SEC16A: variants seen among roughly 807,000 people sequenced by gnomAD.
The protein encoded by SEC16A is protein transport protein Sec16A.
In SEC16A, 110 loss-of-function variants were observed where a neutral mutation model predicts 221.9. That is an observed-to-expected ratio of 0.50 (90% CI 0.42 to 0.58). The LOEUF (loss-of-function observed/expected upper bound fraction) is 0.58, where lower values mean the gene tolerates loss of function less well. Ranked by LOEUF, SEC16A falls within the 20% of genes least tolerant of loss-of-function variation. SEC16A has a pLI of 0.00. For synonymous variants in SEC16A, 1,393 were observed against 1,257.7 expected, an observed-to-expected ratio of 1.11 and a Z score of -2.28; for missense variants, 3,165 against 3,097.8, an observed-to-expected ratio of 1.02 and a Z score of -0.52.
At chr9:136,482,768 C>G (rs1185792972) in intron 1 of SEC16A, among the ~76,000 whole-genome samples, 170 bp downstream of exon 1, 1 of 151,976 alleles carries the variant, frequency 6.6e-6, no homozygotes, top group Admixed American at 6.5e-5. Flanking sequence ...GGGGCCCGGA[C>G]GTCTGTCCCC....
intron 4 of SEC16A, 66 bp from the exon 5 acceptor site, chr9:136,468,578 T>A (rs1253541599): frequency 9.7e-7 from 1 of 1,036,258 alleles, no homozygotes; most frequent in Non-Finnish European, 1.5e-6. Context: ...CATCAGCCAA[T>A]ACAAATCATT....
Position 136,477,665 on chromosome 9 carries a change from T to C in SEC16A, c.-50A>G, listed in dbSNP as rs748158618. The stretch of plus-strand genomic sequence containing the variant: ...GCTGCTTACAGAAGGAAGCAGGATA[T>C]AGCTGTTCCTTAATTGGAGCTGGAA... On this transcript the variant is annotated 5_prime_UTR_variant, in exon 3 of 32. Coordinates refer to ENST00000684901, the MANE Select transcript of SEC16A (RefSeq NM_014866.2). 9 of 1,507,298 alleles carry C rather than the reference T, an allele frequency of 6.0e-6. No homozygotes were observed. In the South Asian group the frequency reaches 1.0e-4, roughly 17 times the overall value. The allele number at this position is 1,507,298 out of a possible 1,614,324, so 93.4% of individuals were successfully genotyped here. A position where few individuals can be genotyped will look rare whatever the true frequency, so the allele number is the denominator to read the frequency against.
intron 30 of SEC16A, 42 bp downstream of exon 30, chr9:136,445,010 A>G (rs1263496057): frequency 6.4e-7 from 1 of 1,569,954 alleles, no homozygotes; most frequent in Non-Finnish European, 8.7e-7. Context: ...CAGGCGGCAC[A>G]CGCCAGCTCT....
chr9:136,457,412 AG>A, intron 18 of SEC16A, 31 bp downstream of exon 18: 1 of 1,574,660 alleles, frequency 6.4e-7, no homozygotes, highest in Non-Finnish European at 8.6e-7. Flanking sequence ...CAGTCAGCAC[AG>A]CATCCCGAGG....
In SEC16A at chr9:136,465,942, C is replaced by G; in HGVS notation, c.4303+20G>C. On this transcript the variant is annotated intron_variant, in intron 8 of 31. Transcript: ENST00000684901. Reference sequence around the variant, plus strand: ...CCCAGTGGGGTTAGCCGGTATCCCTCTGTCCTGCTGAGCACACACCTTGCT... The same window carrying G: ...CCCAGTGGGGTTAGCCGGTATCCCTGTGTCCTGCTGAGCACACACCTTGCT... 6.2e-7 allele frequency: 1 copy of G among 1,606,640 alleles called. No homozygotes were observed. Among genetic ancestry groups the G allele is most frequent in the Non-Finnish European group, 8.5e-7 (1 of 1,175,858 alleles).
chr9:136,445,132 A>G, intron 29 of SEC16A, 21 bp from the exon 30 acceptor site: 2 of 1,594,092 alleles, frequency 1.3e-6, no homozygotes, highest in Non-Finnish European at 1.7e-6. Context: ...GCAAGAACAC[A>G]CATAAAACAC....
At chr9:136,454,960 G>A (rs1440458543) in intron 20 of SEC16A, among the ~76,000 whole-genome samples, 2 of 152,172 alleles carry the variant, frequency 1.3e-5, no homozygotes, top group African/African-American at 4.8e-5. Context: ...GACATGGCAC[G>A]AGGGCAGGAG....
rs1314293259 is a variant in SEC16A at position 136,463,753 on chromosome 9, G to T, written c.4447-13C>A. The T allele has an allele frequency of 6.2e-7, 1 of 1,611,248 alleles. No homozygotes were observed. On this transcript the variant is annotated splice_polypyrimidine_tract_variant and intron_variant, in intron 9 of 31. Coordinates refer to ENST00000684901, the MANE Select transcript of SEC16A (RefSeq NM_014866.2). ...GCTGCAGCAAGGCCTACGAGGAGAG[G>T]GCCGTGGGTCAGTGGCAGCCAGTGC... is the stretch of plus-strand genomic sequence containing the variant.
At position 136,440,280 on chromosome 9, in the gene SEC16A, G is replaced by C. The variant is rs1169264932; in HGVS notation, c.*1475C>G. On this transcript the variant is annotated 3_prime_UTR_variant, in exon 32 of 32. Coordinates refer to ENST00000684901, the MANE Select transcript of SEC16A (RefSeq NM_014866.2). ...CCCAGGATTCACACGAGCTGACCGA[G>C]GGACAGAGAGGGCTGCCCCGTCACA... 1 of 152,366 alleles carries C rather than the reference G, an allele frequency of 6.6e-6. No homozygotes were observed. Among genetic ancestry groups the C allele is most frequent in the Admixed American group, 6.5e-5 (1 of 15,292 alleles). The allele number at this position is 152,366 out of a possible 1,614,324, so 9.4% of individuals were successfully genotyped here.
At position 136,463,046 on chromosome 9, in the gene SEC16A, G is replaced by A; in HGVS notation, c.4734C>T (p.Asn1578=). The A allele has an allele frequency of 4.3e-6, 7 of 1,612,718 alleles. No homozygotes were observed. The highest frequency in any genetic ancestry group is 5.9e-6 in the Non-Finnish European group (7 of 1,179,900). The change falls in exon 12 of 32, where the codon AAC becomes AAT. Residue 1578 remains asparagine (N), a synonymous_variant. Transcript: ENST00000684901. ...WLPGKSPNEA[N]LIDFTNEAVE... ...CTGCCTCATTCGTGAAATCAATCAGGTTTGCTTCATTGGGCGACTTCCCAG... is the reference window on the plus strand; with the variant it reads ...CTGCCTCATTCGTGAAATCAATCAGATTTGCTTCATTGGGCGACTTCCCAG...
chr9:136,479,167 T>C (rs1487403205), intron 1 of SEC16A, among the ~76,000 whole-genome samples: 2 of 152,220 alleles, frequency 1.3e-5, no homozygotes, highest in African/African-American at 2.4e-5. Context: ...AAATAAAACA[T>C]AGTAGATACA....
rs959251833 is a variant in SEC16A, at chr9:136,457,535, G to A, written c.5459C>T (p.Thr1820Met). Residue 1820 changes from threonine (T) to methionine (M), a missense_variant, in exon 18 of 32, where the codon ACG becomes ATG. Thr to Met is a moderately conservative substitution (Grantham distance 81). This residue lies in a region of SEC16A where 1,088 missense variants were observed against 1,089.6 expected (regional missense o/e 1.00). Coordinates refer to ENST00000684901, the MANE Select transcript of SEC16A (RefSeq NM_014866.2). ...GGCCTCACAGTAGTGGAAGGCTTGC[G>A]TGGCCAGCCCCATTTCCGCCAGGCG... ...SCRLAEMGLA[T>M]QAFHYCEAIA... is the part of the protein sequence containing the mutation. 19 of 1,610,718 alleles carry A rather than the reference G, an allele frequency of 1.2e-5. 1 individual carries two copies. The highest frequency in any genetic ancestry group is 8.8e-5 in the South Asian group (8 of 90,456).
chr9:136,445,591 T>C (rs758594037), intron 29 of SEC16A, 54 bp downstream of exon 29: 17 of 1,341,190 alleles, frequency 1.3e-5, no homozygotes, highest in South Asian at 1.3e-4. Context: ...GCCTGGACAG[T>C]GAGCTGCTGG....
chr9:136,444,901 A>G (rs1408787752), intron 30 of SEC16A, 151 bp downstream of exon 30: 2 of 521,336 alleles, frequency 3.8e-6, no homozygotes, highest in Non-Finnish European at 6.8e-6. Context: ...AAAAAAAAAA[A>G]GGAACCCTGT....
chr9:136,455,548 C>T, intron 20 of SEC16A, 53 bp downstream of exon 20: 1 of 1,482,808 alleles, frequency 6.7e-7, no homozygotes, highest in Non-Finnish European at 9.0e-7. Flanking sequence ...CATGGCTCAG[C>T]CCACAGGAAG....
chr9:136,466,200 A>C lies in SEC16A; in HGVS notation c.4128+64T>G, dbSNP rs1588963333. 2.5e-6 allele frequency: 4 copies of C among 1,569,442 alleles called. No individual in the cohort carries two copies. In the East Asian group the frequency reaches 9.0e-5, roughly 35 times the overall value. ...GGCACAGCAGTAAAACTTTAGGTAC[A>C]TTGCAAACAGGATGGTGGTTCTAAA... On this transcript the variant is annotated intron_variant, in intron 7 of 31. Coordinates refer to ENST00000684901, the MANE Select transcript of SEC16A (RefSeq NM_014866.2). This position sits in a 1 kb window ranked among gnomAD's most constrained non-coding sequence, Gnocchi z 5.5.
intron 29 of SEC16A, 55 bp downstream of exon 29, chr9:136,445,590 G>C (rs1836859687): frequency 1.5e-6 from 2 of 1,345,632 alleles, no homozygotes; most frequent in Admixed American, 4.1e-5. Context: ...CGCCTGGACA[G>C]TGAGCTGCTG....
At chr9:136,483,160 C>T (rs548777166), upstream of SEC16A, 1,220 of 342,654 alleles carry the variant, frequency 3.6e-3, 2 homozygotes, top group Non-Finnish European at 4.4e-3. Context: ...TTCAGCCCTT[C>T]ACAGCCCATC....
rs1322785991 is a variant in SEC16A at position 136,470,029 on chromosome 9, AAAC to A, written c.3705-1520_3705-1518del. On this transcript the variant is annotated intron_variant, in intron 4 of 31. Coordinates refer to ENST00000684901, the MANE Select transcript of SEC16A (RefSeq NM_014866.2). ...TTCATCAGGAGCAACACAGTCTCAAAAACAACAAGGCTAAGACAGGCAGTGCCT... is the reference window on the plus strand; with the variant it reads ...TTCATCAGGAGCAACACAGTCTCAAAAACAAGGCTAAGACAGGCAGTGCCT... Among the ~76,000 whole-genome samples, 3 of 152,232 alleles carry A rather than the reference AAAC, an allele frequency of 2.0e-5. No individual in the cohort carries two copies. In the South Asian group the frequency reaches 6.2e-4, roughly 31 times the overall value.
Sources: gnomAD v4.1 joint callset for allele counts (sites outside exome capture counted in the v4.1 genomes callset) on GRCh38, gnomAD v4.1.1 for gene constraint, gnomAD v4.1.1 regional missense constraint, Gnocchi (gnomAD v3.1) non-coding constraint, MANE v1.5 for transcripts, NCBI Gene and HGNC (gene_info 2026-07-23, HGNC 2026-07-21) for gene names.